The following RPS6KA2 variants were observed in gnomAD, a reference collection of about 807,000 sequenced individuals.
RPS6KA2 encodes ribosomal protein S6 kinase A2.
RPS6KA2 carries 42 observed loss-of-function variants against 91.8 expected under a neutral mutation model. The observed-to-expected ratio is 0.46, with a 90% CI of 0.36 to 0.59. The LOEUF (loss-of-function observed/expected upper bound fraction) is 0.59, where lower values mean the gene tolerates loss of function less well. RPS6KA2 is among the 20% of genes least tolerant of loss of function. The pLI is 0.00. For missense variants in RPS6KA2, 798 were observed against 978.5 expected (o/e 0.82, Z 2.46); for synonymous variants, 414 against 393.6 (o/e 1.05, Z -0.61).
intron 2 of RPS6KA2, among the ~76,000 whole-genome samples, chr6:166,753,858 C>A (rs1013713033): frequency 2.6e-5 from 4 of 152,214 alleles, no homozygotes; most frequent in African/African-American, 9.7e-5. Context: ...GGATCCTCTA[C>A]AAGAAGATGC....
chr6:166,627,467 G>C (rs1368288300), upstream of RPS6KA2: 1 of 147,324 alleles, frequency 6.8e-6, no homozygotes, highest in Non-Finnish European at 1.5e-5. Flanking sequence ...CGCCTCTGCC[G>C]ATACCTCCAA....
At chr6:166,722,057 A>G (rs947799696) in intron 2 of RPS6KA2, among the ~76,000 whole-genome samples, 11 of 152,254 alleles carry the variant, frequency 7.2e-5, no homozygotes, top group African/African-American at 2.4e-4. Context: ...AAATATAACC[A>G]GAACCAAAAT....
At chr6:166,572,988 G>T (rs917697295) in intron 1 of RPS6KA2, among the ~76,000 whole-genome samples, 1 of 152,238 alleles carries the variant, frequency 6.6e-6, no homozygotes, top group African/African-American at 2.4e-5. Context: ...GAAAGGAAGA[G>T]AAAGGAGAGG....
intron 16 of RPS6KA2, among the ~76,000 whole-genome samples, chr6:166,425,773 C>T (rs1372758475): frequency 1.3e-5 from 2 of 151,962 alleles, no homozygotes; most frequent in Admixed American, 6.6e-5. Flanking sequence ...ATATATGCAC[C>T]CAATACAGGA....
chr6:166,689,060 C>T (rs553652873), intron 2 of RPS6KA2, among the ~76,000 whole-genome samples: 3 of 152,376 alleles, frequency 2.0e-5, no homozygotes, highest in East Asian at 1.9e-4. Flanking sequence ...AACCTCCTGC[C>T]GAAGGCCAGC....
chr6:166,545,698 G>A (rs1003766288), intron 1 of RPS6KA2, among the ~76,000 whole-genome samples: 1 of 151,938 alleles, frequency 6.6e-6, no homozygotes, highest in Non-Finnish European at 1.5e-5. Flanking sequence ...CTGCCACTTC[G>A]CCACTGTTTC....
In RPS6KA2 at chr6:166,770,971, A is replaced by G. The variant is rs1478753910; in HGVS notation, c.123+87229T>C. 3 of 1,508,070 alleles carry G rather than the reference A, an allele frequency of 2.0e-6. No homozygotes were observed. Among genetic ancestry groups the G allele is most frequent in the Middle Eastern group, 1.7e-4 (1 of 5,874 alleles). 93.4% of individuals were successfully genotyped at this position (1,508,070 alleles called of 1,614,324 possible). On this transcript the variant is annotated intron_variant, in intron 2 of 21. Coordinates refer to the RPS6KA2 transcript ENST00000503859. The surrounding 1 kb of genome is among the most constrained non-coding windows in gnomAD (Gnocchi z 5.1). The stretch of plus-strand genomic sequence containing the variant: ...TAAGTCACAGGACGTATTTACAGTC[A>G]GCAACTTCATTAGCAAGGGCATTAC...
chr6:166,695,729 CA>C (rs1348849305), intron 2 of RPS6KA2, among the ~76,000 whole-genome samples: 1 of 150,206 alleles, frequency 6.7e-6, no homozygotes, highest in African/African-American at 2.5e-5. Context: ...ACTGGATTCT[CA>C]CAGGAGCACT....
chr6:166,520,872 G>A (rs1342986197), intron 3 of RPS6KA2, among the ~76,000 whole-genome samples: 2 of 152,226 alleles, frequency 1.3e-5, no homozygotes, highest in African/African-American at 4.8e-5. Flanking sequence ...ACAGAAACAT[G>A]ACCCTGCAGC....
chr6:166,731,144 G>A (rs7750004), intron 2 of RPS6KA2, among the ~76,000 whole-genome samples: 40,711 of 151,916 alleles, frequency 0.27, 5,579 homozygotes, highest in African/African-American at 0.35. Context: ...CGGGAGGTTG[G>A]GGCAGGACAA....
chr6:166,498,494 CG>C lies in RPS6KA2; in HGVS notation c.747+13del. 1 of 1,600,106 alleles carries C rather than the reference CG, an allele frequency of 6.2e-7. No individual in the cohort carries two copies. The highest frequency in any genetic ancestry group is 2.2e-5 in the East Asian group (1 of 44,568). On this transcript the variant is annotated intron_variant, in intron 8 of 20. Coordinates refer to ENST00000265678, the MANE Select transcript of RPS6KA2 (RefSeq NM_021135.6). ...CAGCCGCCATGGCACAGAAGAGGGT[CG>C]GGGCAGGCTCACCATGAGCACGCCG...
intron 2 of RPS6KA2, among the ~76,000 whole-genome samples, chr6:166,814,625 C>T (rs1021371294): frequency 6.6e-6 from 1 of 152,192 alleles, no homozygotes; most frequent in Non-Finnish European, 1.5e-5. Context: ...GTATTTACAG[C>T]CCCTCTCAAT....
intron 1 of RPS6KA2, among the ~76,000 whole-genome samples, chr6:166,600,154 G>A (rs777436312): frequency 1.1e-4 from 16 of 152,030 alleles, no homozygotes; most frequent in Non-Finnish European, 1.9e-4. Flanking sequence ...CCTACTATAG[G>A]TGCACCACCA....
At chr6:166,644,260 C>T (rs7760180) in intron 2 of RPS6KA2, among the ~76,000 whole-genome samples, 6,874 of 152,022 alleles carry the variant, frequency 0.045, 300 homozygotes, top group African/African-American at 0.11. Flanking sequence ...TATTCAAAAA[C>T]GAAAAGAAAG....
At chr6:166,839,373 A>C (rs1301755432) in intron 2 of RPS6KA2, among the ~76,000 whole-genome samples, 1 of 152,022 alleles carries the variant, frequency 6.6e-6, no homozygotes, top group African/African-American at 2.4e-5. Flanking sequence ...TCATCACTGC[A>C]GTGTCTACGT....
At position 166,463,735 on chromosome 6, in the gene RPS6KA2, C is replaced by T. The variant is rs189376530; in HGVS notation, c.973-4184G>A. On this transcript the variant is annotated intron_variant, in intron 11 of 20. Coordinates refer to ENST00000265678, the MANE Select transcript of RPS6KA2 (RefSeq NM_021135.6). ...GGCTTCAGGCATTTTGGAATTAATACGCTCCAATAAGGCAAAGGGCACATT... is the reference window on the plus strand; with the variant it reads ...GGCTTCAGGCATTTTGGAATTAATATGCTCCAATAAGGCAAAGGGCACATT... Among the ~76,000 whole-genome samples the T allele has an allele frequency of 8.7e-4, 132 of 152,242 alleles. 1 individual carries two copies. Among genetic ancestry groups the T allele is most frequent in the Middle Eastern group, 3.4e-3 (1 of 292 alleles).
intron 2 of RPS6KA2, among the ~76,000 whole-genome samples, chr6:166,731,397 T>C (rs1002984820): frequency 6.6e-6 from 1 of 152,000 alleles, no homozygotes; most frequent in African/African-American, 2.4e-5. Context: ...ACAATCAGCA[T>C]TGGTCTTGTA....
intron 2 of RPS6KA2, among the ~76,000 whole-genome samples, chr6:166,730,108 T>G (rs910867876): frequency 5.9e-5 from 9 of 152,238 alleles, no homozygotes; most frequent in African/African-American, 2.2e-4. Context: ...GCATGTAACT[T>G]TCTATATTGC....
intron 1 of RPS6KA2, among the ~76,000 whole-genome samples, chr6:166,580,871 A>G (rs1319294174): frequency 1.3e-5 from 2 of 152,212 alleles, no homozygotes; most frequent in Non-Finnish European, 2.9e-5. Flanking sequence ...ATTTCTAATG[A>G]ACAGAAAAAG....
Sources: gnomAD v4.1 joint callset for allele counts (sites outside exome capture counted in the v4.1 genomes callset) on GRCh38, gnomAD v4.1.1 for gene constraint, Gnocchi (gnomAD v3.1) non-coding constraint, MANE v1.5 for transcripts, NCBI Gene and HGNC (gene_info 2026-07-23, HGNC 2026-07-21) for gene names.